Variants in EPB41 observed in about 807,000 individuals in gnomAD.
EPB41 encodes erythrocyte membrane protein band 4.1, also known as protein 4.1.
In EPB41, 65 loss-of-function variants were observed where a neutral mutation model predicts 108.0. That is an observed-to-expected ratio of 0.60 (90% confidence interval 0.49 to 0.74). The LOEUF (loss-of-function observed/expected upper bound fraction) is 0.74. EPB41 is among the 30% of genes least tolerant of loss of function. The pLI is 0.00. For synonymous variants in EPB41, 336 were observed against 358.9 expected (o/e 0.94, Z 0.72); for missense variants, 875 against 1,037.0 (o/e 0.84, Z 2.15).
chr1:28,963,104 G>A (rs2985319), intron 1 of EPB41, among the ~76,000 whole-genome samples: 7,995 of 151,998 alleles, frequency 0.053, 406 homozygotes, highest in East Asian at 0.2. Context: ...TACTCTTAAC[G>A]AAACCAGCTC....
intron 12 of EPB41, among the ~76,000 whole-genome samples, chr1:29,057,391 A>AAAAAAG (rs1558181080): frequency 3.1e-4 from 47 of 149,328 alleles, no homozygotes; most frequent in Middle Eastern, 3.4e-3. Flanking sequence ...AAAAAAAAAA[A>AAAAAAG]AAAAAGAAAA....
At chr1:29,083,711 T>C (rs913447944) in intron 16 of EPB41, among the ~76,000 whole-genome samples, 23 of 152,210 alleles carry the variant, frequency 1.5e-4, no homozygotes, top group African/African-American at 5.5e-4. Flanking sequence ...GCTGATATAA[T>C]TTTTCAAAAT....
intron 1 of EPB41, among the ~76,000 whole-genome samples, chr1:28,974,015 TC>T (rs1450023283): frequency 6.6e-6 from 1 of 152,256 alleles, no homozygotes; most frequent in East Asian, 1.9e-4. Context: ...GCAATCATTT[TC>T]CTGCTTTGAA....
intron 16 of EPB41, among the ~76,000 whole-genome samples, chr1:29,093,560 G>C (rs995627714): frequency 3.3e-5 from 5 of 152,076 alleles, no homozygotes; most frequent in Admixed American, 2.6e-4. Flanking sequence ...GATCCCATTT[G>C]TCAATTTTTG....
chr1:29,109,801 A>G (rs59331219), intron 18 of EPB41: 42,847 of 345,938 alleles, frequency 0.12, 3,663 homozygotes, highest in East Asian at 0.39. Flanking sequence ...TGGGAGGCCA[A>G]GGCAGGTGGA....
At chr1:29,034,678 A>G (rs1638700611) in intron 9 of EPB41, among the ~76,000 whole-genome samples, 1 of 152,214 alleles carries the variant, frequency 6.6e-6, no homozygotes, top group Non-Finnish European at 1.5e-5. Context: ...TAACCCTGGG[A>G]GAATATGTTT....
At chr1:28,921,879 C>T (rs1041836652) in intron 1 of EPB41, among the ~76,000 whole-genome samples, 4 of 146,718 alleles carry the variant, frequency 2.7e-5, no homozygotes, top group African/African-American at 1.0e-4. Context: ...AGAAAATCCA[C>T]ATAGTATACT....
chr1:29,075,888 G>T (rs542345178), intron 16 of EPB41, among the ~76,000 whole-genome samples: 1 of 152,254 alleles, frequency 6.6e-6, no homozygotes, highest in East Asian at 1.9e-4. Flanking sequence ...CTCTCTTCCA[G>T]TGCTTGACTC....
At chr1:29,077,494 A>G (rs1021133187) in intron 16 of EPB41, among the ~76,000 whole-genome samples, 1 of 152,230 alleles carries the variant, frequency 6.6e-6, no homozygotes, top group African/African-American at 2.4e-5. Flanking sequence ...ACACATCTGT[A>G]TAAATAAAGT....
chr1:29,003,015 G>A (rs1415044365), intron 4 of EPB41, among the ~76,000 whole-genome samples: 2 of 152,172 alleles, frequency 1.3e-5, no homozygotes, highest in Non-Finnish European at 2.9e-5. Flanking sequence ...GTGGTATTTA[G>A]TATGAGTGAC....
Position 28,921,938 on chromosome 1 carries a change from T to TTATATATATATATGTATA in EPB41, c.-8+7183_-8+7184insGTATATATATATATATAT, listed in dbSNP as rs1553166419. ...TAAATAGTATTTTATTTATGAAATT[T>TTATATATATATATGTATA]TATATATATATATATATATATATAC... On this transcript the variant is annotated intron_variant, in intron 1 of 20. Coordinates refer to ENST00000343067, the MANE Select transcript of EPB41 (RefSeq NM_001376013.1). Among the ~76,000 whole-genome samples, 8 of 102,652 alleles carry TTATATATATATATGTATA rather than the reference T, an allele frequency of 7.8e-5. 1 individual carries two copies. The highest frequency in any genetic ancestry group is 1.2e-4 in the Admixed American group (1 of 8,626). The allele number at this position is 102,652 out of a possible 152,430, so 67.3% of individuals were successfully genotyped here. A position where few individuals can be genotyped will look rare whatever the true frequency, so the allele number is the denominator to read the frequency against.
chr1:29,007,195 G>A (rs901225295), intron 4 of EPB41, among the ~76,000 whole-genome samples: 2 of 151,926 alleles, frequency 1.3e-5, no homozygotes, highest in South Asian at 2.1e-4. Context: ...TGGCTCAAGC[G>A]ATCCTCCTGC....
intron 16 of EPB41, among the ~76,000 whole-genome samples, chr1:29,094,993 A>G (rs1246867482): frequency 6.6e-6 from 1 of 152,256 alleles, no homozygotes; most frequent in East Asian, 1.9e-4. Context: ...TATAAATGCT[A>G]TGTAAATAGT....
intron 17 of EPB41, among the ~76,000 whole-genome samples, chr1:29,102,916 G>A (rs910009948): frequency 2.2e-4 from 33 of 152,226 alleles, no homozygotes; most frequent in Admixed American, 3.9e-4. Context: ...GGGATTACAG[G>A]CACCCACCAC....
intron 15 of EPB41, among the ~76,000 whole-genome samples, chr1:29,061,769 A>G (rs1646621230): frequency 6.6e-6 from 1 of 151,416 alleles, no homozygotes; most frequent in African/African-American, 2.4e-5. Context: ...TGGTAGAGAC[A>G]GGATCTCAGT....
At chr1:28,918,061 A>G (rs147537960) in intron 1 of EPB41, among the ~76,000 whole-genome samples, 107 of 152,296 alleles carry the variant, frequency 7.0e-4, no homozygotes, top group African/African-American at 2.3e-3. Flanking sequence ...TGGTTCTGAA[A>G]TCAAGAGGAG....
At chr1:28,985,567 G>A (rs1362458695) in intron 1 of EPB41, 1 of 152,208 alleles carries the variant, frequency 6.6e-6, no homozygotes, top group Non-Finnish European at 1.5e-5. Flanking sequence ...ATGATATGAA[G>A]GAGACCAGCC....
At chr1:29,053,951 T>G (rs912297385) in intron 12 of EPB41, 22 of 152,456 alleles carry the variant, frequency 1.4e-4, no homozygotes, top group African/African-American at 5.1e-4. Context: ...AGAAGGAATC[T>G]CCACATTGCT....
At chr1:29,022,584 G>A (rs2096660668) in intron 7 of EPB41, among the ~76,000 whole-genome samples, 1 of 151,732 alleles carries the variant, frequency 6.6e-6, no homozygotes, top group Non-Finnish European at 1.5e-5. Flanking sequence ...AGCCAGGCAT[G>A]GTGGTGGGCA....
Sources: gnomAD v4.1 joint callset for allele counts (sites outside exome capture counted in the v4.1 genomes callset) on GRCh38, gnomAD v4.1.1 for gene constraint, MANE v1.5 for transcripts, NCBI Gene and HGNC (gene_info 2026-07-23, HGNC 2026-07-21) for gene names.